The following MYO3B variants were observed in gnomAD, a reference collection of about 807,000 sequenced individuals.
MYO3B encodes myosin-IIIb.
MYO3B carries 156 observed loss-of-function variants against 174.6 expected under a neutral mutation model. The observed-to-expected ratio is 0.89, with a 90% confidence interval of 0.78 to 1.02. MYO3B has a LOEUF of 1.02. MYO3B is among the 50% of genes least tolerant of loss of function. The probability of loss-of-function intolerance (pLI) is 0.00; values close to 1 mark genes in which losing one functional copy is unlikely to be tolerated. For missense variants in MYO3B, 1,632 were observed against 1,639.4 expected, an observed-to-expected ratio of 1.00 and a Z score of 0.08; for synonymous variants, 563 against 569.1, an observed-to-expected ratio of 0.99 and a Z score of 0.15.
At chr2:170,638,558 T>G (rs1241399054) in intron 32 of MYO3B, among the ~76,000 whole-genome samples, 1 of 152,230 alleles carries the variant, frequency 6.6e-6, no homozygotes, top group Non-Finnish European at 1.5e-5. Context: ...TGGCGATTAC[T>G]CTGGAGTTAC....
intron 30 of MYO3B, among the ~76,000 whole-genome samples, chr2:170,530,099 C>T (rs887734271): frequency 3.3e-5 from 5 of 152,184 alleles, no homozygotes; most frequent in African/African-American, 9.7e-5. Flanking sequence ...ACAACATCTC[C>T]GTGTGCATCT....
At chr2:170,297,640 G>A (rs772975228) in intron 7 of MYO3B, among the ~76,000 whole-genome samples, 19 of 152,104 alleles carry the variant, frequency 1.2e-4, no homozygotes, top group Admixed American at 2.0e-4. Flanking sequence ...GCTTAAACTC[G>A]TTCTTTTATT....
intron 32 of MYO3B, among the ~76,000 whole-genome samples, chr2:170,634,508 TA>T (rs1442955066): frequency 2.6e-5 from 4 of 152,240 alleles, no homozygotes; most frequent in East Asian, 1.9e-4. Context: ...CCTAAAACCA[TA>T]AAAACTGTAG....
chr2:170,446,069 A>G (rs2094840095), intron 23 of MYO3B, among the ~76,000 whole-genome samples: 1 of 152,234 alleles, frequency 6.6e-6, no homozygotes, highest in African/African-American at 2.4e-5. Flanking sequence ...GAGCTGAAAT[A>G]AGAAGGCAGA....
intron 3 of MYO3B, among the ~76,000 whole-genome samples, chr2:170,212,340 C>T (rs1471000515): frequency 2.0e-5 from 3 of 151,940 alleles, no homozygotes; most frequent in Non-Finnish European, 4.4e-5. Flanking sequence ...GGGGAGCCAC[C>T]AGTTTGCCCG....
chr2:170,498,788 A>G, intron 26 of MYO3B, 85 bp downstream of exon 26: 1 of 859,728 alleles, frequency 1.2e-6, no homozygotes, highest in Non-Finnish European at 1.9e-6. Flanking sequence ...TGGCTCTGTA[A>G]GTTGTGTAGC....
At chr2:170,554,587 G>A (rs758287921) in intron 32 of MYO3B, among the ~76,000 whole-genome samples, 9 of 152,192 alleles carry the variant, frequency 5.9e-5, no homozygotes, top group Non-Finnish European at 7.3e-5. Flanking sequence ...TCATTCCTGC[G>A]ACTCATTAAA....
chr2:170,504,220 CTAATT>C (rs1483575052), intron 28 of MYO3B, among the ~76,000 whole-genome samples: 2 of 152,138 alleles, frequency 1.3e-5, no homozygotes, highest in African/African-American at 4.8e-5. Flanking sequence ...AGGTTATTCT[CTAATT>C]TATTATTTTT....
intron 22 of MYO3B, among the ~76,000 whole-genome samples, chr2:170,412,996 G>A (rs1170845225): frequency 6.6e-6 from 1 of 152,136 alleles, no homozygotes; most frequent in Non-Finnish European, 1.5e-5. Context: ...CTATGTATAG[G>A]TTATTTCTAG....
chr2:170,589,085 G>A (rs1693664374), intron 32 of MYO3B, among the ~76,000 whole-genome samples: 1 of 151,986 alleles, frequency 6.6e-6, no homozygotes, highest in East Asian at 1.9e-4. Context: ...CTGAAGAAGA[G>A]GCAAGAGAAA....
intron 32 of MYO3B, among the ~76,000 whole-genome samples, chr2:170,638,022 A>T (rs576599973): frequency 2.0e-5 from 3 of 152,168 alleles, no homozygotes; most frequent in East Asian, 3.9e-4. Context: ...GCAAGAAAAA[A>T]ATTATATTTG....
At chr2:170,593,883 A>G (rs1286582972) in intron 32 of MYO3B, among the ~76,000 whole-genome samples, 3 of 152,156 alleles carry the variant, frequency 2.0e-5, no homozygotes, top group Non-Finnish European at 4.4e-5. Flanking sequence ...CATTTTTCCT[A>G]GAGAATCTAT....
chr2:170,527,609 C>G (rs78809537), intron 30 of MYO3B, among the ~76,000 whole-genome samples: 1,951 of 152,308 alleles, frequency 0.013, 40 homozygotes, highest in African/African-American at 0.044. Context: ...CTCCCGCTGT[C>G]TGCAGAGCAC....
chr2:170,209,085 G>T (rs11692087), intron 3 of MYO3B, among the ~76,000 whole-genome samples: 60,485 of 152,012 alleles, frequency 0.4, 11,961 homozygotes, highest in East Asian at 0.46. Flanking sequence ...GGGGCTTTTA[G>T]CAGCTCTGCA....
intron 32 of MYO3B, among the ~76,000 whole-genome samples, chr2:170,639,771 C>G (rs530867212): frequency 6.6e-6 from 1 of 152,288 alleles, no homozygotes; most frequent in South Asian, 2.1e-4. Context: ...TTTCTTCATA[C>G]TACAACCTCC....
At chr2:170,637,064 G>A (rs1208902562) in intron 32 of MYO3B, among the ~76,000 whole-genome samples, 1 of 151,416 alleles carries the variant, frequency 6.6e-6, no homozygotes, top group East Asian at 1.9e-4. Context: ...AGCTTTGTTA[G>A]CAACAACTGT....
chr2:170,422,153 C>A (rs2094620582), intron 22 of MYO3B, among the ~76,000 whole-genome samples: 2 of 152,156 alleles, frequency 1.3e-5, no homozygotes, highest in Non-Finnish European at 2.9e-5. Flanking sequence ...AACAGACCAA[C>A]CCCTAATATC....
chr2:170,217,934 G>A (rs545675353), intron 6 of MYO3B, among the ~76,000 whole-genome samples: 4 of 152,344 alleles, frequency 2.6e-5, no homozygotes, highest in African/African-American at 9.6e-5. Flanking sequence ...AATGACGCAT[G>A]TAGAAGTTTG....
At chr2:170,586,706 T>A (rs2106314909) in intron 32 of MYO3B, among the ~76,000 whole-genome samples, 1 of 152,330 alleles carries the variant, frequency 6.6e-6, no homozygotes, top group Non-Finnish European at 1.5e-5. Context: ...GTAGAAGTTT[T>A]CGTTTTAGTG....
Sources: gnomAD v4.1 joint callset for allele counts (sites outside exome capture counted in the v4.1 genomes callset) on GRCh38, gnomAD v4.1.1 for gene constraint, MANE v1.5 for transcripts, NCBI Gene and HGNC (gene_info 2026-07-23, HGNC 2026-07-21) for gene names.